SLC4A4: variants seen among roughly 807,000 people sequenced by gnomAD.
SLC4A4 encodes solute carrier family 4 member 4, also known as electrogenic sodium bicarbonate cotransporter 1.
SLC4A4 carries 27 observed loss-of-function variants against 111.5 expected under a neutral mutation model. The observed-to-expected ratio is 0.24, with a 90% CI of 0.18 to 0.33. SLC4A4 has a LOEUF of 0.33. Among genes scored for constraint, SLC4A4 ranks in the 10% least tolerant of loss-of-function variants. The pLI, the probability that SLC4A4 is intolerant of heterozygous loss-of-function variation, is 1.00. For synonymous variants in SLC4A4, 443 were observed against 463.4 expected (o/e 0.96, Z 0.57); for missense variants, 909 against 1,315.5 (o/e 0.69, Z 4.78).
chr4:71,263,270 T>C (rs1038357282), intron 3 of SLC4A4, among the ~76,000 whole-genome samples: 3 of 152,228 alleles, frequency 2.0e-5, no homozygotes, highest in African/African-American at 7.2e-5. Flanking sequence ...TTCATTTTTA[T>C]GAACTCATAA....
At chr4:71,143,155 G>A in intron 2 of SLC4A4, among the ~76,000 whole-genome samples, 1 of 151,736 alleles carries the variant, frequency 6.6e-6, no homozygotes, top group South Asian at 2.1e-4. Flanking sequence ...GTGTCCATGT[G>A]TTTTCATTGT....
intron 3 of SLC4A4, among the ~76,000 whole-genome samples, chr4:71,278,824 C>T (rs75762095): frequency 0.015 from 2,277 of 152,130 alleles, 53 homozygotes; most frequent in African/African-American, 0.053. Context: ...ACTATTTTTG[C>T]TGTTGAGTTG....
rs1013669955 is a variant in SLC4A4, at chr4:71,569,811, C to A, written c.*2060C>A. The A allele has an allele frequency of 1.3e-5, 2 of 151,618 alleles. No homozygotes were observed. Among genetic ancestry groups the A allele is most frequent in the African/African-American group, 4.8e-5 (2 of 41,364 alleles). The allele number at this position is 151,618 out of a possible 1,614,324, so 9.4% of individuals were successfully genotyped here. A position where few individuals can be genotyped will look rare whatever the true frequency, so the allele number is the denominator to read the frequency against. ...TGAGTTAGCTGTTACTTTTACAGTA[C>A]CTGATACTCCTAAAACTTTTAACTT... On this transcript the variant is annotated 3_prime_UTR_variant, in exon 26 of 26. Transcript: ENST00000264485.
intron 2 of SLC4A4, among the ~76,000 whole-genome samples, chr4:71,128,231 C>G (rs771569689): frequency 6.8e-4 from 104 of 152,190 alleles, no homozygotes; most frequent in Non-Finnish European, 4.3e-4. Context: ...ATCTTACGTG[C>G]ACGGCAGCAG....
intron 1 of SLC4A4, among the ~76,000 whole-genome samples, chr4:71,089,963 C>A (rs1742329902): frequency 7.6e-6 from 1 of 131,878 alleles, no homozygotes; most frequent in Non-Finnish European, 1.7e-5. Context: ...AATTCTGTTG[C>A]CTTTTGTTTG....
At chr4:71,424,922 A>G (rs973787608) in intron 7 of SLC4A4, among the ~76,000 whole-genome samples, 3 of 152,092 alleles carry the variant, frequency 2.0e-5, no homozygotes, top group Admixed American at 6.6e-5. Flanking sequence ...ATGCACCAAC[A>G]TGGCACATGT....
chr4:71,519,949 CAAG>C (rs1187421542), intron 16 of SLC4A4, among the ~76,000 whole-genome samples: 5 of 152,098 alleles, frequency 3.3e-5, no homozygotes, highest in Non-Finnish European at 7.4e-5. Flanking sequence ...TGCACCTGGC[CAAG>C]AATATCATTT....
chr4:71,153,449 C>T (rs142377829), intron 2 of SLC4A4, among the ~76,000 whole-genome samples: 20 of 152,140 alleles, frequency 1.3e-4, no homozygotes, highest in African/African-American at 4.1e-4. Flanking sequence ...TAGGGAGTGA[C>T]GAAAAGACAG....
chr4:71,150,116 T>C (rs1744275545), intron 2 of SLC4A4, among the ~76,000 whole-genome samples: 1 of 152,186 alleles, frequency 6.6e-6, no homozygotes, highest in Non-Finnish European at 1.5e-5. Flanking sequence ...ATTTTATGAC[T>C]GAAAAAGAAA....
At chr4:71,237,293 T>C (rs1719879527) in intron 2 of SLC4A4, among the ~76,000 whole-genome samples, 1 of 152,236 alleles carries the variant, frequency 6.6e-6, no homozygotes, top group African/African-American at 2.4e-5. Context: ...TCCTGACTTA[T>C]CAATAATGTG....
upstream of SLC4A4, among the ~76,000 whole-genome samples, chr4:71,185,380 T>C (rs1745419083): frequency 6.6e-6 from 1 of 152,238 alleles, no homozygotes; most frequent in Non-Finnish European, 1.5e-5. Context: ...GAGTGAAAGT[T>C]AATTTTAACA....
At chr4:71,395,963 C>G (rs1298491899) in intron 6 of SLC4A4, among the ~76,000 whole-genome samples, 5 of 152,120 alleles carry the variant, frequency 3.3e-5, no homozygotes, top group Non-Finnish European at 7.4e-5. Context: ...GTCCAAATAG[C>G]TGGTTTTGTT....
rs10016793 is a variant in SLC4A4 at position 71,506,454 on chromosome 4, G to T, written c.2166+8762G>T. Reference sequence around the variant, plus strand: ...GTATTTTATTCTTTTTGTGGCAGTTGTGAATGGGAGTTCATCTGTGATTTG... The same window carrying T: ...GTATTTTATTCTTTTTGTGGCAGTTTTGAATGGGAGTTCATCTGTGATTTG... On this transcript the variant is annotated intron_variant, in intron 16 of 25. Coordinates refer to ENST00000264485, the MANE Select transcript of SLC4A4 (RefSeq NM_001098484.3). 4.6e-5 allele frequency among the ~76,000 whole-genome samples: 7 copies of T among 152,126 alleles called. No individual in the cohort carries two copies. The South Asian group carries it at 1.5e-3, about 32-fold the overall frequency.
intron 1 of SLC4A4, among the ~76,000 whole-genome samples, chr4:71,225,346 C>T (rs542707898): frequency 6.0e-5 from 9 of 150,190 alleles, no homozygotes; most frequent in South Asian, 4.2e-4. Flanking sequence ...AACAAGACTC[C>T]GTTTAAAAAA....
At chr4:71,318,268 A>C (rs1726848649) in intron 3 of SLC4A4, among the ~76,000 whole-genome samples, 1 of 152,046 alleles carries the variant, frequency 6.6e-6, no homozygotes, top group African/African-American at 2.4e-5. Context: ...GGAGAAACTG[A>C]TTTCTGAAGT....
intron 12 of SLC4A4, among the ~76,000 whole-genome samples, chr4:71,460,701 T>C (rs910504662): frequency 2.8e-4 from 42 of 152,258 alleles, no homozygotes; most frequent in African/African-American, 9.9e-4. Flanking sequence ...CCAATGTAGA[T>C]GAATGGTCTG....
chr4:71,218,804 A>T (rs980136986), intron 1 of SLC4A4, among the ~76,000 whole-genome samples: 1 of 152,100 alleles, frequency 6.6e-6, no homozygotes. Flanking sequence ...TTTTATTATT[A>T]TTTCTATAAT....
At chr4:71,077,681 G>A (rs1741879686) in intron 1 of SLC4A4, among the ~76,000 whole-genome samples, 1 of 152,132 alleles carries the variant, frequency 6.6e-6, no homozygotes, top group African/African-American at 2.4e-5. Context: ...TTGGCTACAG[G>A]CTATCTATGA....
chr4:71,117,132 G>C (rs371977306), intron 2 of SLC4A4, among the ~76,000 whole-genome samples: 1 of 151,972 alleles, frequency 6.6e-6, no homozygotes, highest in Non-Finnish European at 1.5e-5. Context: ...GTGCACCACC[G>C]TGAGTGGCTA....
Sources: gnomAD v4.1 joint callset for allele counts (sites outside exome capture counted in the v4.1 genomes callset) on GRCh38, gnomAD v4.1.1 for gene constraint, MANE v1.5 for transcripts, NCBI Gene and HGNC (gene_info 2026-07-23, HGNC 2026-07-21) for gene names.